Variants in ZFHX3 observed in about 807,000 individuals in gnomAD.
The protein encoded by ZFHX3 is zinc finger homeobox 3, also known as zinc finger homeobox protein 3.
A neutral mutation model predicts 279.1 loss-of-function variants in ZFHX3; 42 were observed. That is an observed-to-expected ratio of 0.15 (90% confidence interval 0.12 to 0.19). The LOEUF (loss-of-function observed/expected upper bound fraction) is 0.19. Ranked by LOEUF, ZFHX3 falls within the 10% of genes least tolerant of loss-of-function variation. ZFHX3 has a pLI of 1.00. For synonymous variants in ZFHX3, 2,293 were observed against 1,957.8 expected, an observed-to-expected ratio of 1.17 and a Z score of -4.52; for missense variants, 4,981 against 4,754.0, an observed-to-expected ratio of 1.05 and a Z score of -1.40.
chr16:72,867,006 T>G (rs2038038754), intron 4 of ZFHX3, among the ~76,000 whole-genome samples: 1 of 152,262 alleles, frequency 6.6e-6, no homozygotes, highest in Non-Finnish European at 1.5e-5. Flanking sequence ...ATTGCTTTTC[T>G]TAATTTGGAG....
intron 3 of ZFHX3, among the ~76,000 whole-genome samples, chr16:73,343,453 G>A (rs563886349): frequency 1.4e-4 from 22 of 152,266 alleles, no homozygotes; most frequent in Admixed American, 7.2e-4. Flanking sequence ...GGCCACATGC[G>A]GTGGCTCACA....
chr16:73,018,549 A>T (rs1204281377), intron 1 of ZFHX3, among the ~76,000 whole-genome samples: 1 of 152,124 alleles, frequency 6.6e-6, no homozygotes, highest in Non-Finnish European at 1.5e-5. Context: ...CAGTGAGCCA[A>T]AATCACACCA....
chr16:73,520,591 G>T (rs1249780926), intron 2 of ZFHX3, among the ~76,000 whole-genome samples: 1 of 152,172 alleles, frequency 6.6e-6, no homozygotes, highest in Non-Finnish European at 1.5e-5. Flanking sequence ...AGCCCTGTCT[G>T]CTCTGGAAGA....
intron 1 of ZFHX3, among the ~76,000 whole-genome samples, chr16:73,808,696 C>A (rs1297639789): frequency 6.6e-6 from 1 of 152,104 alleles, no homozygotes; most frequent in Non-Finnish European, 1.5e-5. Flanking sequence ...GATGTACAAC[C>A]ATTTAAGCAT....
In ZFHX3 at chr16:73,707,753, T is replaced by A. The variant is rs537035615; in HGVS notation, c.-1607-27513A>T. On this transcript the variant is annotated intron_variant, in intron 1 of 17. Coordinates refer to the ZFHX3 transcript ENST00000641206. ...CTTAAAGTATAATAATAATAAAATT[T>A]AAAAAAAAAAACAGGAGAAACAAAA... Among the ~76,000 whole-genome samples the A allele has an allele frequency of 1.0e-3, 148 of 147,984 alleles. 2 individuals carry two copies. Among genetic ancestry groups the A allele is most frequent in the East Asian group, 9.1e-3 (46 of 5,042 alleles).
At position 72,787,705 on chromosome 16, in the gene ZFHX3, C is replaced by A. The variant is rs554891628; in HGVS notation, c.10571G>T (p.Gly3524Val). 7 of 1,389,284 alleles carry A rather than the reference C, an allele frequency of 5.0e-6. No homozygotes were observed. In the East Asian group the frequency reaches 1.4e-4, roughly 28 times the overall value. 86.1% of individuals were successfully genotyped at this position (1,389,284 alleles called of 1,614,324 possible). A position where few individuals can be genotyped will look rare whatever the true frequency, so the allele number is the denominator to read the frequency against. ...CAGGCAGTGGTACGAGCCGCCGCCG[C>A]CGCCGCCGCCGCCACCGCCGCCGCC... ...GGGGGGGGGG[G>V]GGGSYHCLAC... is the part of the protein sequence containing the mutation. Residue 3524 changes from glycine (G) to valine (V), a missense_variant, in exon 10 of 10, where the codon GGC (glycine) becomes GTC (valine). This residue lies in a region of ZFHX3 where 1,034 missense variants were observed against 786.0 expected (regional missense o/e 1.32). Coordinates refer to ENST00000268489, the MANE Select transcript of ZFHX3 (RefSeq NM_006885.4).
intron 1 of ZFHX3, among the ~76,000 whole-genome samples, chr16:73,012,621 T>C (rs948111249): frequency 1.3e-5 from 2 of 152,134 alleles, no homozygotes; most frequent in Non-Finnish European, 2.9e-5. Context: ...ACTACTTATA[T>C]CTTAATCTAG....
At chr16:73,197,924 G>GTTTTTTTTTTTTTTTTTT (rs71156148) in intron 5 of ZFHX3, among the ~76,000 whole-genome samples, 1 of 53,782 alleles carries the variant, frequency 1.9e-5, no homozygotes, top group Non-Finnish European at 3.3e-5. Flanking sequence ...TGATTTGGTG[G>GTTTTTTTTTTTTTTTTTT]TTTTTTTTTT....
chr16:72,850,655 C>CG (rs56405630), intron 4 of ZFHX3, among the ~76,000 whole-genome samples: 152,275 of 152,288 alleles, frequency 1, 76,131 homozygotes, highest in Middle Eastern at 1. Context: ...AGGCCGGGCT[C>CG]GCCAGGCCCA....
chr16:72,827,596 T>C (rs565209942), intron 5 of ZFHX3, among the ~76,000 whole-genome samples: 10 of 152,350 alleles, frequency 6.6e-5, no homozygotes, highest in Non-Finnish European at 1.5e-4. Context: ...ATCTGTTTAA[T>C]TGCCGTGTGA....
chr16:73,138,823 G>C (rs539544953), intron 6 of ZFHX3, among the ~76,000 whole-genome samples: 95 of 152,222 alleles, frequency 6.2e-4, no homozygotes, highest in Non-Finnish European at 9.1e-4. Flanking sequence ...GAGTAGCTGG[G>C]ACCACAGGCA....
Position 73,041,878 on chromosome 16 carries a change from G to A in ZFHX3, c.-50+5874C>T, listed in dbSNP as rs139947423. On this transcript the variant is annotated intron_variant, in intron 1 of 9. Coordinates refer to ENST00000268489, the MANE Select transcript of ZFHX3 (RefSeq NM_006885.4). ...ATTTTAGGAAGCAGGGCCTTAAATG[G>A]TGGAAGAGGCTTGCATTGCTTCTTG... 1.4e-4 allele frequency among the ~76,000 whole-genome samples: 22 copies of A among 152,328 alleles called. No individual in the cohort carries two copies. The East Asian group carries it at 3.9e-3, about 27-fold the overall frequency.
intron 8 of ZFHX3, among the ~76,000 whole-genome samples, chr16:73,088,137 ATTTCAT>A (rs1425815480): frequency 1.8e-5 from 2 of 112,988 alleles, no homozygotes; most frequent in Non-Finnish European, 3.6e-5. Context: ...CTAAACTTTC[ATTTCAT>A]TTTTTTTTTT....
chr16:72,931,223 A>G (rs1245111683), intron 3 of ZFHX3, among the ~76,000 whole-genome samples: 2 of 152,178 alleles, frequency 1.3e-5, no homozygotes, highest in Admixed American at 1.3e-4. Flanking sequence ...TCTAATCATC[A>G]GGCAGGTCAT....
At chr16:73,852,604 G>A (rs1702646779) in intron 1 of ZFHX3, among the ~76,000 whole-genome samples, 1 of 152,076 alleles carries the variant, frequency 6.6e-6, no homozygotes, top group African/African-American at 2.4e-5. Flanking sequence ...AGAGATGATG[G>A]CATTGGTCAT....
intron 2 of ZFHX3, among the ~76,000 whole-genome samples, chr16:73,510,698 A>G (rs1272532087): frequency 6.6e-6 from 1 of 152,238 alleles, no homozygotes; most frequent in African/African-American, 2.4e-5. Flanking sequence ...AACCTGAGCA[A>G]CCATACAGCA....
chr16:73,579,057 A>G (rs998776308), intron 2 of ZFHX3, among the ~76,000 whole-genome samples: 3 of 152,170 alleles, frequency 2.0e-5, no homozygotes, highest in African/African-American at 7.2e-5. Context: ...AACATTTACA[A>G]TCTATTCTCT....
intron 6 of ZFHX3, among the ~76,000 whole-genome samples, chr16:73,133,247 C>T (rs1440487171): frequency 1.3e-5 from 2 of 152,130 alleles, no homozygotes; most frequent in East Asian, 1.9e-4. Flanking sequence ...CGGGGCTGGG[C>T]GTGGTGGCTT....
At chr16:73,580,188 G>A (rs1393031349) in intron 2 of ZFHX3, among the ~76,000 whole-genome samples, 1 of 151,646 alleles carries the variant, frequency 6.6e-6, no homozygotes, top group Non-Finnish European at 1.5e-5. Flanking sequence ...CTTTGTAAGA[G>A]AAATTTACTG....
Sources: allele counts gnomAD v4.1 joint callset (sites outside exome capture counted in the v4.1 genomes callset), GRCh38; gene constraint gnomAD v4.1.1; regional missense constraint gnomAD v4.1.1; transcripts MANE v1.5; gene names NCBI Gene and HGNC (gene_info 2026-07-23, HGNC 2026-07-21).